The following FHOD3 variants were observed in gnomAD, a reference collection of about 807,000 sequenced individuals.
FHOD3 encodes FH1/FH2 domain-containing protein 3.
FHOD3 carries 90 observed loss-of-function variants against 173.0 expected under a neutral mutation model. The observed-to-expected ratio is 0.52, with a 90% CI of 0.44 to 0.62. The LOEUF is 0.62. Ranked by LOEUF, FHOD3 falls within the 20% of genes least tolerant of loss-of-function variation. The probability of loss-of-function intolerance (pLI) is 0.00; values close to 1 mark genes in which losing one functional copy is unlikely to be tolerated. For synonymous variants in FHOD3, 828 were observed against 823.0 expected, an observed-to-expected ratio of 1.01 and a Z score of -0.10; for missense variants, 1,945 against 2,034.7, an observed-to-expected ratio of 0.96 and a Z score of 0.85.
chr18:36,635,871 C>A (rs920740232), intron 10 of FHOD3, among the ~76,000 whole-genome samples: 1 of 152,188 alleles, frequency 6.6e-6, no homozygotes, highest in Non-Finnish European at 1.5e-5. Context: ...ACTTTCATCT[C>A]ATGAAATGAA....
chr18:36,629,532 G>T (rs1327227185), intron 10 of FHOD3, among the ~76,000 whole-genome samples: 1 of 152,214 alleles, frequency 6.6e-6, no homozygotes, highest in East Asian at 1.9e-4. Context: ...GGGGAAATTG[G>T]CAAAGGAGAG....
intron 5 of FHOD3, among the ~76,000 whole-genome samples, chr18:36,571,996 CCT>C (rs2058469161): frequency 6.6e-6 from 1 of 152,148 alleles, no homozygotes; most frequent in Non-Finnish European, 1.5e-5. Context: ...GAGCTTGCTC[CCT>C]GTTTTCTGTT....
chr18:36,758,530 A>G (rs530909523), intron 25 of FHOD3, among the ~76,000 whole-genome samples: 1 of 152,244 alleles, frequency 6.6e-6, no homozygotes, highest in East Asian at 1.9e-4. Context: ...AGTAATGTGA[A>G]CACGCTGCTG....
intron 3 of FHOD3, among the ~76,000 whole-genome samples, chr18:36,467,312 TAGAA>T (rs1189442952): frequency 1.3e-5 from 2 of 152,208 alleles, no homozygotes; most frequent in Non-Finnish European, 2.9e-5. Flanking sequence ...CTGGAGAAGT[TAGAA>T]AGCCATTGTG....
rs1194122589 is a variant in FHOD3 at position 36,658,159 on chromosome 18, C to T, written c.1806C>T (p.Val602=). 1 of 1,589,202 alleles carries T rather than the reference C, an allele frequency of 6.3e-7. No homozygotes were observed. Among genetic ancestry groups the T allele is most frequent in the Non-Finnish European group, 8.5e-7 (1 of 1,170,482 alleles). Residue 602 remains valine, a synonymous_variant, in exon 14 of 29, where the codon GTC becomes GTT. Coordinates refer to ENST00000590592, the MANE Select transcript of FHOD3 (RefSeq NM_001281740.3). Reference sequence around the variant, plus strand: ...TGCCCACCACCCCCACATCATCCGTCTCACCCCCACAGGAGGCCAGGTTGG... The same window carrying T: ...TGCCCACCACCCCCACATCATCCGTTTCACCCCCACAGGAGGCCAGGTTGG... ...SSVPTTPTSS[V]SPPQEARLER...
At chr18:36,477,623 A>G (rs1441277345) in intron 3 of FHOD3, among the ~76,000 whole-genome samples, 1 of 151,226 alleles carries the variant, frequency 6.6e-6, no homozygotes, top group African/African-American at 2.4e-5. Flanking sequence ...ATCTATATCT[A>G]TTTATCATCT....
intron 17 of FHOD3, among the ~76,000 whole-genome samples, chr18:36,694,611 G>A (rs1435502330): frequency 6.6e-6 from 1 of 152,184 alleles, no homozygotes; most frequent in Non-Finnish European, 1.5e-5. Context: ...CTACGTTGTG[G>A]TATTTCCAGA....
In FHOD3 at chr18:36,375,254, C is replaced by A. The variant is rs528351544; in HGVS notation, c.337+2510C>A. On this transcript the variant is annotated intron_variant, in intron 3 of 28. Coordinates refer to ENST00000590592, the MANE Select transcript of FHOD3 (RefSeq NM_001281740.3). ...GGAAATATGACAAGGAGAAAATAAA[C>A]CTTTTTCACATCTGTTGTTTTAGTC... 4.6e-5 allele frequency among the ~76,000 whole-genome samples: 7 copies of A among 152,278 alleles called. No individual in the cohort carries two copies. The East Asian group carries it at 1.4e-3, about 29-fold the overall frequency.
chr18:36,614,180 A>G (rs1053361162), intron 9 of FHOD3, among the ~76,000 whole-genome samples: 3 of 152,156 alleles, frequency 2.0e-5, no homozygotes, highest in Non-Finnish European at 4.4e-5. Flanking sequence ...CCTGTCCCCC[A>G]TGGCCCCAAA....
At chr18:36,566,902 A>AGG (rs2058284372) in intron 5 of FHOD3, among the ~76,000 whole-genome samples, 1 of 152,244 alleles carries the variant, frequency 6.6e-6, no homozygotes, top group Admixed American at 6.5e-5. Flanking sequence ...AATGAAAATA[A>AGG]GAACAATATT....
rs1041917941 is a variant in FHOD3 at position 36,332,142 on chromosome 18, T to G, written c.166-23397T>G. ...TGTGCTCACTGTAAAGGAGAAATGCTTGAAGGAATTCCTTCCATTATTGCA... is the reference window on the plus strand; with the variant it reads ...TGTGCTCACTGTAAAGGAGAAATGCGTGAAGGAATTCCTTCCATTATTGCA... On this transcript the variant is annotated intron_variant, in intron 1 of 28. Transcript: ENST00000590592. Among the ~76,000 whole-genome samples, 3 of 152,360 alleles carry G rather than the reference T, an allele frequency of 2.0e-5. No homozygotes were observed. In the East Asian group the frequency reaches 5.8e-4, roughly 29 times the overall value.
chr18:36,356,623 C>A (rs963404477), intron 2 of FHOD3, among the ~76,000 whole-genome samples: 1 of 151,368 alleles, frequency 6.6e-6, no homozygotes. Context: ...CTGTGCCCAG[C>A]TAATTTTATA....
At chr18:36,745,325 G>C (rs1026694501) in intron 23 of FHOD3, among the ~76,000 whole-genome samples, 5 of 152,158 alleles carry the variant, frequency 3.3e-5, no homozygotes, top group African/African-American at 1.2e-4. Flanking sequence ...GGATTCCTTT[G>C]GTTTCAGACA....
intron 16 of FHOD3, among the ~76,000 whole-genome samples, chr18:36,691,134 A>C (rs1360708215): frequency 6.6e-6 from 1 of 152,110 alleles, no homozygotes; most frequent in Non-Finnish European, 1.5e-5. Context: ...TTGGCTCCCC[A>C]CAAATTCCTG....
intron 3 of FHOD3, among the ~76,000 whole-genome samples, chr18:36,398,304 C>A (rs1418541534): frequency 6.6e-6 from 1 of 152,186 alleles, no homozygotes; most frequent in Non-Finnish European, 1.5e-5. Context: ...CAGTGCAGAT[C>A]TTTAGTCTCT....
intron 3 of FHOD3, among the ~76,000 whole-genome samples, chr18:36,474,625 T>C (rs1357302862): frequency 6.6e-6 from 1 of 152,060 alleles, no homozygotes; most frequent in East Asian, 1.9e-4. Context: ...AGTGGTGGGA[T>C]ACAGAGTGAG....
intron 8 of FHOD3, among the ~76,000 whole-genome samples, chr18:36,603,667 C>T (rs2031701467): frequency 6.6e-6 from 1 of 151,926 alleles, no homozygotes; most frequent in South Asian, 2.1e-4. Flanking sequence ...CCATGCCTGG[C>T]TAATTTTTGT....
At chr18:36,359,547 C>T (rs570281661) in intron 2 of FHOD3, among the ~76,000 whole-genome samples, 1 of 152,256 alleles carries the variant, frequency 6.6e-6, no homozygotes, top group South Asian at 2.1e-4. Context: ...GCCACTTTAC[C>T]TCTGATAGGA....
At chr18:36,343,790 A>G (rs535888063) in intron 1 of FHOD3, among the ~76,000 whole-genome samples, 1 of 152,228 alleles carries the variant, frequency 6.6e-6, no homozygotes, top group Non-Finnish European at 1.5e-5. Flanking sequence ...ACCCAGTCTC[A>G]TGTATTCCTT....
Sources: gnomAD v4.1 joint callset for allele counts (sites outside exome capture counted in the v4.1 genomes callset) on GRCh38, gnomAD v4.1.1 for gene constraint, MANE v1.5 for transcripts, NCBI Gene and HGNC (gene_info 2026-07-23, HGNC 2026-07-21) for gene names.